PACRG: variants seen among roughly 807,000 people sequenced by gnomAD.
PACRG encodes parkin coregulated gene protein.
In PACRG, 29 loss-of-function variants were observed where a neutral mutation model predicts 29.7. That is an observed-to-expected ratio of 0.98 (90% confidence interval 0.73 to 1.33). The LOEUF is 1.33. Ranked by LOEUF, PACRG falls within the 40% of genes most tolerant of loss-of-function variation. The pLI is 0.00. For missense variants in PACRG, 279 were observed against 316.2 expected, an observed-to-expected ratio of 0.88 and a Z score of 0.89; for synonymous variants, 116 against 118.7, an observed-to-expected ratio of 0.98 and a Z score of 0.15.
At chr6:162,975,471 C>T (rs1320740296) in intron 2 of PACRG, among the ~76,000 whole-genome samples, 2 of 152,186 alleles carry the variant, frequency 1.3e-5, no homozygotes, top group East Asian at 3.8e-4. Flanking sequence ...GATATCTGCT[C>T]TTTGTGTTTT....
chr6:163,212,471 A>T (rs1470691915), intron 4 of PACRG, among the ~76,000 whole-genome samples: 1 of 152,194 alleles, frequency 6.6e-6, no homozygotes, highest in African/African-American at 2.4e-5. Flanking sequence ...ATCTTGGAAC[A>T]GAGCCATGTC....
chr6:162,834,520 T>C lies in PACRG; in HGVS notation c.291+20239T>C, dbSNP rs140506404. Among the ~76,000 whole-genome samples, 537 of 152,158 alleles carry C rather than the reference T, an allele frequency of 3.5e-3. 3 individuals are homozygous for C. Among genetic ancestry groups the C allele is most frequent in the African/African-American group, 0.012 (498 of 41,530 alleles). On this transcript the variant is annotated intron_variant, in intron 2 of 4. Coordinates refer to ENST00000366888, the MANE Select transcript of PACRG (RefSeq NM_001080379.2). ...TTAAACCAATGGGCACATGTACGTGTGTATTTTTGTATTCAATTCACTTTT... is the reference window on the plus strand; with the variant it reads ...TTAAACCAATGGGCACATGTACGTGCGTATTTTTGTATTCAATTCACTTTT...
chr6:163,116,458 G>T (rs1053618716), intron 4 of PACRG, among the ~76,000 whole-genome samples: 1 of 152,084 alleles, frequency 6.6e-6, no homozygotes, highest in Non-Finnish European at 1.5e-5. Flanking sequence ...TGTATCAAAT[G>T]GGGGGGATGT....
intron 2 of PACRG, among the ~76,000 whole-genome samples, chr6:162,883,964 G>C (rs983537692): frequency 6.6e-6 from 1 of 151,850 alleles, no homozygotes; most frequent in Non-Finnish European, 1.5e-5. Flanking sequence ...TTTGAGACAG[G>C]GTCTCACTCT....
chr6:162,899,050 GT>G (rs757980668), intron 2 of PACRG, among the ~76,000 whole-genome samples: 1 of 152,148 alleles, frequency 6.6e-6, no homozygotes, highest in Non-Finnish European at 1.5e-5. Flanking sequence ...TCCGAGGGTG[GT>G]TATATCCTAG....
chr6:163,262,951 C>T (rs1263046041), intron 4 of PACRG, among the ~76,000 whole-genome samples: 1 of 149,874 alleles, frequency 6.7e-6, no homozygotes, highest in Non-Finnish European at 1.5e-5. Flanking sequence ...ACTCAGGAGG[C>T]TGAGGCGGGA....
intron 3 of PACRG, among the ~76,000 whole-genome samples, chr6:163,067,061 C>T (rs1373586404): frequency 2.6e-5 from 4 of 152,230 alleles, no homozygotes; most frequent in Non-Finnish European, 5.9e-5. Flanking sequence ...CTAAAAAGAT[C>T]CCTGTCCTTC....
At chr6:162,783,788 G>C (rs1164725780) in intron 1 of PACRG, among the ~76,000 whole-genome samples, 2 of 152,072 alleles carry the variant, frequency 1.3e-5, no homozygotes, top group African/African-American at 4.8e-5. Context: ...CCCTCTAAAA[G>C]TATTGTACTT....
At chr6:163,038,593 G>A (rs751270481) in intron 2 of PACRG, among the ~76,000 whole-genome samples, 6 of 152,182 alleles carry the variant, frequency 3.9e-5, no homozygotes, top group Non-Finnish European at 8.8e-5. Flanking sequence ...GGTTAATTAA[G>A]TCAACAAATA....
intron 1 of PACRG, 21 bp from the exon 2 acceptor site, chr6:162,814,126 A>AT (rs34793124): frequency 0.022 from 24,718 of 1,130,034 alleles, 147 homozygotes; most frequent in African/African-American, 0.094. Context: ...CCTGATCCCT[A>AT]TTTTTTTTTT....
chr6:163,231,580 G>A (rs1782046227), intron 4 of PACRG, among the ~76,000 whole-genome samples: 3 of 152,124 alleles, frequency 2.0e-5, no homozygotes, highest in African/African-American at 4.8e-5. Flanking sequence ...GCCCAGATCC[G>A]CTGAGCCAGG....
intron 1 of PACRG, among the ~76,000 whole-genome samples, chr6:162,730,276 T>C (rs56397360): frequency 0.25 from 37,464 of 152,022 alleles, 5,452 homozygotes; most frequent in African/African-American, 0.39. Flanking sequence ...TATTTACATT[T>C]CACCATTTTT....
At chr6:162,885,518 T>G (rs7743120) in intron 2 of PACRG, among the ~76,000 whole-genome samples, 78,639 of 126,492 alleles carry the variant, frequency 0.62, 23,698 homozygotes, top group African/African-American at 0.86. Flanking sequence ...CCATCTGCCT[T>G]CCTCGGCCTC....
chr6:162,803,710 A>G lies in PACRG; in HGVS notation c.157-10437A>G, dbSNP rs1369396511. Among the ~76,000 whole-genome samples, 4 of 152,200 alleles carry G rather than the reference A, an allele frequency of 2.6e-5. No individual in the cohort carries two copies. The South Asian group carries it at 6.2e-4, about 24-fold the overall frequency. ...GAAAAGACATGAACACGCATTCACA[A>G]TGCATGCATATTGTATTTATACAAA... On this transcript the variant is annotated intron_variant, in intron 1 of 4. Coordinates refer to ENST00000366888, the MANE Select transcript of PACRG (RefSeq NM_001080379.2).
intron 2 of PACRG, among the ~76,000 whole-genome samples, chr6:162,922,644 A>G (rs549149565): frequency 6.6e-5 from 10 of 151,750 alleles, no homozygotes; most frequent in Non-Finnish European, 1.0e-4. Flanking sequence ...TTTAACTCCT[A>G]TGTATGAATG....
At chr6:163,110,105 A>G (rs1313284990) in intron 4 of PACRG, among the ~76,000 whole-genome samples, 1 of 152,208 alleles carries the variant, frequency 6.6e-6, no homozygotes, top group African/African-American at 2.4e-5. Context: ...AAGAAGAGGT[A>G]GTTCATCTTC....
At chr6:163,148,334 T>C (rs987259924) in intron 4 of PACRG, among the ~76,000 whole-genome samples, 1 of 152,200 alleles carries the variant, frequency 6.6e-6, no homozygotes, top group African/African-American at 2.4e-5. Context: ...ATTTTTTTCA[T>C]TGAATAATTC....
rs113982426 is a variant in PACRG, at chr6:162,873,834, A to G, written c.291+59553A>G. On this transcript the variant is annotated intron_variant, in intron 2 of 4. Coordinates refer to ENST00000366888, the MANE Select transcript of PACRG (RefSeq NM_001080379.2). ...ACCCTGACACTAGGCATGAAAAGAA[A>G]ATAAGATTAGCCAGTACATTTTTGC... Among the ~76,000 whole-genome samples the G allele has an allele frequency of 6.4e-3, 979 of 152,316 alleles. 12 individuals are homozygous for G. Among genetic ancestry groups the G allele is most frequent in the African/African-American group, 0.022 (920 of 41,572 alleles).
chr6:163,206,039 T>C (rs12199667), intron 4 of PACRG, among the ~76,000 whole-genome samples: 3 of 152,122 alleles, frequency 2.0e-5, no homozygotes, highest in Admixed American at 6.5e-5. Flanking sequence ...AGAATGGCTA[T>C]TGCTAAAAAG....
Sources: allele counts gnomAD v4.1 joint callset (sites outside exome capture counted in the v4.1 genomes callset), GRCh38; gene constraint gnomAD v4.1.1; transcripts MANE v1.5; gene names NCBI Gene and HGNC (gene_info 2026-07-23, HGNC 2026-07-21).